The following CFAP251 variants were observed in gnomAD, a reference collection of about 807,000 sequenced individuals.
The protein encoded by CFAP251 is cilia- and flagella-associated protein 251.
CFAP251 carries 93 observed loss-of-function variants against 126.7 expected under a neutral mutation model. The observed-to-expected ratio is 0.73, with a 90% CI of 0.62 to 0.87. CFAP251 has a LOEUF of 0.87. CFAP251 is among the 40% of genes least tolerant of loss of function. CFAP251 has a pLI of 0.00. For missense variants in CFAP251, 1,287 were observed against 1,389.2 expected (o/e 0.93, Z 1.17); for synonymous variants, 503 against 506.9 (o/e 0.99, Z 0.10).
chr12:121,928,723 G>T (rs1159295062), intron 3 of CFAP251, among the ~76,000 whole-genome samples: 2 of 140,838 alleles, frequency 1.4e-5, no homozygotes, highest in Admixed American at 7.2e-5. Context: ...TTGAGACAGG[G>T]TCTTGCTCTG....
intron 8 of CFAP251, chr12:121,950,980 A>T (rs1881500218): frequency 6.6e-6 from 1 of 151,748 alleles, no homozygotes; most frequent in South Asian, 2.1e-4. Context: ...ACACTTTGGG[A>T]GGCTGAGGTG....
chr12:121,991,577 C>A (rs762626858), intron 19 of CFAP251, among the ~76,000 whole-genome samples: 26 of 152,186 alleles, frequency 1.7e-4, no homozygotes, highest in Non-Finnish European at 2.8e-4. Context: ...CAAGACCTCC[C>A]GGTCATTGTG....
At chr12:121,983,985 C>G (rs1307613710) in intron 19 of CFAP251, among the ~76,000 whole-genome samples, 2 of 152,190 alleles carry the variant, frequency 1.3e-5, no homozygotes, top group Non-Finnish European at 2.9e-5. Flanking sequence ...GTAGCCGCTC[C>G]CCCTCCTTCA....
intron 16 of CFAP251, among the ~76,000 whole-genome samples, chr12:121,967,534 C>G (rs1039489781): frequency 2.0e-5 from 3 of 152,036 alleles, no homozygotes; most frequent in African/African-American, 7.2e-5. Context: ...AACCCCGTCT[C>G]TACTAAAAAT....
At chr12:121,934,618 G>A (rs1424930154) in intron 5 of CFAP251, among the ~76,000 whole-genome samples, 2 of 152,122 alleles carry the variant, frequency 1.3e-5, no homozygotes, top group Admixed American at 6.5e-5. Flanking sequence ...TGCCTCTTCT[G>A]GGCAGTTCTT....
intron 12 of CFAP251, 46 bp downstream of exon 12, chr12:121,958,568 C>G: frequency 6.2e-7 from 1 of 1,607,172 alleles, no homozygotes; most frequent in Non-Finnish European, 8.5e-7. Flanking sequence ...ATGGACAGCC[C>G]TGAAAGGGAT....
chr12:121,988,804 C>T (rs551777323), intron 19 of CFAP251, among the ~76,000 whole-genome samples: 12 of 148,620 alleles, frequency 8.1e-5, no homozygotes, highest in African/African-American at 2.0e-4. Flanking sequence ...GGCGCGATCT[C>T]GGCTCACTGC....
At position 121,968,125 on chromosome 12, in the gene CFAP251, G is replaced by T; in HGVS notation, c.2727G>T (p.Ala909=). The stretch of plus-strand genomic sequence containing the variant: ...ATGATGGCTGCTACGCCTTCACTGC[G>T]GGAGGGCACGATCGCTCGGTGGTGC... ...VSYDGCYAFT[A]GGHDRSVVQW... is the part of the protein sequence containing the mutation. The change falls in exon 17 of 22, where the codon GCG becomes GCT. Residue 909 remains alanine (A), a synonymous_variant. Coordinates refer to ENST00000288912, the MANE Select transcript of CFAP251 (RefSeq NM_144668.6). The T allele has an allele frequency of 6.2e-7, 1 of 1,613,084 alleles. No individual in the cohort carries two copies. The highest frequency in any genetic ancestry group is 1.1e-5 in the South Asian group (1 of 91,016).
At chr12:121,953,799 A>G (rs1320241129) in intron 9 of CFAP251, 6 of 253,740 alleles carry the variant, frequency 2.4e-5, no homozygotes, top group Non-Finnish European at 4.5e-5. Flanking sequence ...CACAACAGGC[A>G]TTAGTTTCTT....
chr12:122,001,710 A>G (rs2135821740), intron 21 of CFAP251, 112 bp downstream of exon 21: 2 of 793,352 alleles, frequency 2.5e-6, no homozygotes, highest in African/African-American at 1.7e-5. Context: ...AAGACTGCAC[A>G]TAACAAAGCA....
intron 10 of CFAP251, among the ~76,000 whole-genome samples, chr12:121,954,683 A>G (rs1185055412): frequency 7.6e-6 from 1 of 130,764 alleles, no homozygotes; most frequent in Non-Finnish European, 1.6e-5. Flanking sequence ...TTTTGGATGT[A>G]TATGCATATT....
chr12:121,955,665 C>G (rs1881703265), intron 10 of CFAP251: 1 of 152,138 alleles, frequency 6.6e-6, no homozygotes, highest in Non-Finnish European at 1.5e-5. Flanking sequence ...TTCAAAATGC[C>G]CATTTGCTTC....
intron 7 of CFAP251, among the ~76,000 whole-genome samples, chr12:121,945,254 G>C (rs1881272296): frequency 1.3e-5 from 2 of 152,120 alleles, no homozygotes; most frequent in African/African-American, 4.8e-5. Flanking sequence ...TGGTCTCTCT[G>C]TGTTCACTCT....
At chr12:121,929,878 G>A (rs984095638) in intron 3 of CFAP251, among the ~76,000 whole-genome samples, 3 of 152,024 alleles carry the variant, frequency 2.0e-5, no homozygotes, top group Non-Finnish European at 4.4e-5. Flanking sequence ...GGGTTTCACC[G>A]TGTTGACCAG....
rs1275103151 is a variant in CFAP251 at position 121,950,082 on chromosome 12, G to C, written c.1269+1021G>C. 6 of 152,226 alleles carry C rather than the reference G, an allele frequency of 3.9e-5. No homozygotes were observed. The South Asian group carries it at 8.3e-4, about 21-fold the overall frequency. 9.4% of individuals were successfully genotyped at this position (152,226 alleles called of 1,614,324 possible). On this transcript the variant is annotated intron_variant, in intron 8 of 21. Transcript: ENST00000288912. ...TAACCAAAAGGTAGAAACAAGCCAA[G>C]TGTTCATCAACTGATGAGTAGGTAA...
intron 3 of CFAP251, among the ~76,000 whole-genome samples, chr12:121,931,142 G>A (rs555463509): frequency 1.3e-5 from 2 of 152,260 alleles, no homozygotes; most frequent in South Asian, 4.1e-4. Flanking sequence ...ACAACGTTAG[G>A]TGCTCACTGT....
chr12:121,970,695 A>G (rs569532903), intron 17 of CFAP251, among the ~76,000 whole-genome samples: 4 of 152,272 alleles, frequency 2.6e-5, no homozygotes, highest in Admixed American at 2.0e-4. Flanking sequence ...GGCAAAAGGG[A>G]ATGTATGAGA....
intron 19 of CFAP251, among the ~76,000 whole-genome samples, chr12:121,995,019 A>G (rs1029368531): frequency 2.0e-5 from 3 of 152,238 alleles, no homozygotes; most frequent in Non-Finnish European, 2.9e-5. Context: ...AATGCTTGCT[A>G]TGTGTTAGGC....
At chr12:121,967,168 C>T in intron 16 of CFAP251, 99 bp downstream of exon 16, 1 of 1,128,552 alleles carries the variant, frequency 8.9e-7, no homozygotes, top group Non-Finnish European at 1.3e-6. Flanking sequence ...TCTGGGTTTA[C>T]AGCCAAGCCC....
Sources: gnomAD v4.1 joint callset for allele counts (sites outside exome capture counted in the v4.1 genomes callset) on GRCh38, gnomAD v4.1.1 for gene constraint, MANE v1.5 for transcripts, NCBI Gene and HGNC (gene_info 2026-07-23, HGNC 2026-07-21) for gene names.